Variants in LHCGR observed in about 807,000 individuals in gnomAD.
LHCGR encodes the protein luteinizing hormone/choriogonadotropin receptor.
LHCGR carries 55 observed loss-of-function variants against 60.7 expected under a neutral mutation model. The ratio of observed to expected loss-of-function variants is 0.91; its 90% CI spans 0.73 to 1.13. The LOEUF (loss-of-function observed/expected upper bound fraction) is 1.13, where lower values mean the gene tolerates loss of function less well. Among genes scored for constraint, LHCGR ranks in the 50% most tolerant of loss-of-function variants. The pLI is 0.00. For missense variants in LHCGR, 862 were observed against 836.0 expected, an observed-to-expected ratio of 1.03 and a Z score of -0.38; for synonymous variants, 337 against 316.5, an observed-to-expected ratio of 1.06 and a Z score of -0.69.
At chr2:48,692,987 G>A (rs1486912553) in intron 10 of LHCGR, among the ~76,000 whole-genome samples, 1 of 152,164 alleles carries the variant, frequency 6.6e-6, no homozygotes, top group Non-Finnish European at 1.5e-5. Flanking sequence ...TTTATGGTGA[G>A]GACTGGTGAG....
At chr2:48,747,054 T>G (rs756537541) in intron 1 of LHCGR, among the ~76,000 whole-genome samples, 1 of 152,058 alleles carries the variant, frequency 6.6e-6, no homozygotes, top group South Asian at 2.1e-4. Flanking sequence ...GCAACTGATA[T>G]ACTACATACT....
chr2:48,743,834 T>A (rs1353751640), intron 1 of LHCGR, among the ~76,000 whole-genome samples: 1 of 152,054 alleles, frequency 6.6e-6, no homozygotes, highest in Non-Finnish European at 1.5e-5. Flanking sequence ...GTGGTGGAAG[T>A]TCTGGCCAGG....
intron 1 of LHCGR, among the ~76,000 whole-genome samples, chr2:48,746,491 T>C (rs558572919): frequency 6.6e-6 from 1 of 152,240 alleles, no homozygotes; most frequent in Non-Finnish European, 1.5e-5. Flanking sequence ...CATTTGAGCA[T>C]TGATTGTTTT....
At chr2:48,731,199 GT>G in intron 2 of LHCGR, 27 bp downstream of exon 2, 1 of 1,437,282 alleles carries the variant, frequency 7.0e-7, no homozygotes, top group South Asian at 1.2e-5. Context: ...AATTACGAAT[GT>G]CTTTTGATAT....
At chr2:48,709,098 T>G (rs1254459445) in intron 7 of LHCGR, 76 bp from the exon 8 acceptor site, 11 of 1,117,482 alleles carry the variant, frequency 9.8e-6, no homozygotes, top group Non-Finnish European at 1.4e-5. Flanking sequence ...TACACATGTT[T>G]AGACCAAGCT....
intron 8 of LHCGR, among the ~76,000 whole-genome samples, chr2:48,702,786 C>T (rs1667475425): frequency 6.6e-6 from 1 of 152,280 alleles, no homozygotes; most frequent in East Asian, 1.9e-4. Context: ...GGTATATACC[C>T]AGTAATGGGA....
chr2:48,696,738 T>G (rs1667132206), intron 9 of LHCGR, among the ~76,000 whole-genome samples: 1 of 152,230 alleles, frequency 6.6e-6, no homozygotes, highest in Non-Finnish European at 1.5e-5. Flanking sequence ...TATGTATTAT[T>G]CTTCTACAAT....
chr2:48,700,210 C>G (rs1206396504), intron 8 of LHCGR, among the ~76,000 whole-genome samples: 1 of 152,142 alleles, frequency 6.6e-6, no homozygotes, highest in Non-Finnish European at 1.5e-5. Context: ...CTTTGAAGAT[C>G]TGGTGGCTTT....
intron 1 of LHCGR, among the ~76,000 whole-genome samples, chr2:48,746,939 C>A (rs1458506892): frequency 3.3e-5 from 5 of 152,110 alleles, no homozygotes; most frequent in African/African-American, 1.2e-4. Flanking sequence ...ATTATGTTGC[C>A]AAGGCAGTGA....
chr2:48,728,114 C>A (rs982037375), intron 3 of LHCGR, among the ~76,000 whole-genome samples: 1 of 150,630 alleles, frequency 6.6e-6, no homozygotes, highest in Admixed American at 6.6e-5. Context: ...AACTCATCAG[C>A]TATTGTTAGT....
At chr2:48,711,741 T>C (rs1016137273) in intron 7 of LHCGR, among the ~76,000 whole-genome samples, 8 of 152,166 alleles carry the variant, frequency 5.3e-5, no homozygotes, top group Non-Finnish European at 1.2e-4. Context: ...CTTTTATTTT[T>C]CCCCCTGTTC....
At position 48,687,875 on chromosome 2, in the gene LHCGR, A is replaced by C. The variant is rs781234320; in HGVS notation, c.1922T>G (p.Phe641Cys). The C allele has an allele frequency of 6.2e-7, 1 of 1,614,052 alleles. No individual in the cohort carries two copies. The highest frequency in any genetic ancestry group is 1.3e-5 in the African/African-American group (1 of 74,922). Residue 641 changes from phenylalanine to cysteine, a missense_variant, in exon 11 of 11, where the codon TTT (phenylalanine) becomes TGT (cysteine). Transcript: ENST00000294954. ...QRDFFLLLSK[F>C]GCCKRRAELY... The stretch of plus-strand genomic sequence containing the variant: ...TTCAGCCCGACGTTTACAGCAGCCA[A>C]ATTTGCTCAGCAAAAGAAAGAAATC...
chr2:48,709,523 C>G (rs987259978), intron 7 of LHCGR, among the ~76,000 whole-genome samples: 3 of 152,146 alleles, frequency 2.0e-5, no homozygotes, highest in Non-Finnish European at 4.4e-5. Context: ...AATTTGCATT[C>G]TTTTTCTTTC....
chr2:48,713,626 C>G (rs995663459), intron 7 of LHCGR, among the ~76,000 whole-genome samples: 1 of 152,186 alleles, frequency 6.6e-6, no homozygotes, highest in Non-Finnish European at 1.5e-5. Flanking sequence ...TATCTGATTT[C>G]TCTGCAGTGG....
chr2:48,737,637 A>G (rs912288746), intron 1 of LHCGR, among the ~76,000 whole-genome samples: 2 of 152,212 alleles, frequency 1.3e-5, no homozygotes, highest in African/African-American at 2.4e-5. Flanking sequence ...TTATTGGCCT[A>G]TTGTCTTCAG....
chr2:48,725,640 C>G (rs775518676), intron 4 of LHCGR, 36 bp downstream of exon 4: 2 of 1,422,076 alleles, frequency 1.4e-6, no homozygotes, highest in Non-Finnish European at 2.0e-6. Context: ...TGCCCATCTT[C>G]CCCTCCCCAA....
At chr2:48,736,026 G>A (rs1336085352) in intron 1 of LHCGR, among the ~76,000 whole-genome samples, 8 of 152,152 alleles carry the variant, frequency 5.3e-5, no homozygotes, top group Non-Finnish European at 8.8e-5. Context: ...CTGGCTACAT[G>A]AAAATGTGCT....
intron 6 of LHCGR, among the ~76,000 whole-genome samples, chr2:48,719,148 C>T (rs986936049): frequency 6.6e-6 from 1 of 151,192 alleles, no homozygotes; most frequent in Admixed American, 6.6e-5. Flanking sequence ...CAGTGAAACT[C>T]CATCTCTATT....
intron 1 of LHCGR, among the ~76,000 whole-genome samples, chr2:48,754,696 C>G (rs1670126893): frequency 6.6e-6 from 1 of 151,788 alleles, no homozygotes; most frequent in Admixed American, 6.6e-5. Flanking sequence ...TTCAGTTTAT[C>G]TGGACATTTC....
Sources: gnomAD v4.1 joint callset for allele counts (sites outside exome capture counted in the v4.1 genomes callset) on GRCh38, gnomAD v4.1.1 for gene constraint, MANE v1.5 for transcripts, NCBI Gene and HGNC (gene_info 2026-07-23, HGNC 2026-07-21) for gene names.